ACCSL: variants seen among roughly 807,000 people sequenced by gnomAD.
ACCSL encodes the protein 1-aminocyclopropane-1-carboxylate synthase homolog (inactive) like, also known as probable inactive 1-aminocyclopropane-1-carboxylate synthase-like protein 2.
Under a neutral mutation model 61.7 loss-of-function variants are expected in ACCSL, and 55 were observed. That is an observed-to-expected ratio of 0.89 (90% CI 0.72 to 1.12). ACCSL has a LOEUF of 1.12. Among genes scored for constraint, ACCSL ranks in the 50% most tolerant of loss-of-function variants. The pLI, the probability that ACCSL is intolerant of heterozygous loss-of-function variation, is 0.00. For synonymous variants in ACCSL, 258 were observed against 264.3 expected, an observed-to-expected ratio of 0.98 and a Z score of 0.23; for missense variants, 632 against 698.0, an observed-to-expected ratio of 0.91 and a Z score of 1.07.
At chr11:44,009,492 G>T in the ACCSL span, among the ~76,000 whole-genome samples, 4 of 152,186 alleles carry the variant, frequency 2.6e-5, no homozygotes, top group East Asian at 1.9e-4. Flanking sequence ...AGGGCCGGGC[G>T]CAGTGGCTCA....
the ACCSL span, among the ~76,000 whole-genome samples, chr11:43,954,113 ACT>A: frequency 6.6e-6 from 1 of 151,702 alleles, no homozygotes; most frequent in South Asian, 2.1e-4. Context: ...GAGGACTTTC[ACT>A]CTCTGATATC....
chr11:44,056,492 C>A (rs1475657054), intron 11 of ACCSL, among the ~76,000 whole-genome samples, 166 bp downstream of exon 11: 1 of 152,192 alleles, frequency 6.6e-6, no homozygotes, highest in East Asian at 1.9e-4. Flanking sequence ...CAAGATAGGG[C>A]AGATAACACA....
the ACCSL span, chr11:43,942,329 A>G: frequency 1.0e-5 from 2 of 192,670 alleles, no homozygotes; most frequent in South Asian, 6.5e-5. Context: ...TGGGGATCCC[A>G]GAAGGGACAG....
At chr11:43,994,516 A>G in the ACCSL span, among the ~76,000 whole-genome samples, 2 of 151,366 alleles carry the variant, frequency 1.3e-5, no homozygotes, top group African/African-American at 2.4e-5. Flanking sequence ...TTGTGTGTAT[A>G]TGTGTGTGTG....
At chr11:44,049,419 CAAAAA>C (rs33944147) in intron 1 of ACCSL, among the ~76,000 whole-genome samples, 1 of 33,916 alleles carries the variant, frequency 2.9e-5, no homozygotes, top group South Asian at 1.9e-3. Context: ...GACCCTGTCT[CAAAAA>C]AAAAAAAAAA....
At chr11:43,993,870 G>A in the ACCSL span, among the ~76,000 whole-genome samples, 12 of 152,186 alleles carry the variant, frequency 7.9e-5, no homozygotes, top group Non-Finnish European at 1.5e-4. Context: ...GCATTTAGTG[G>A]GCAGAAGCCA....
chr11:43,938,416 T>C, the ACCSL span, among the ~76,000 whole-genome samples: 1 of 152,222 alleles, frequency 6.6e-6, no homozygotes, highest in Non-Finnish European at 1.5e-5. Context: ...GGCTTCATCT[T>C]TAGTCAGTTC....
intron 11 of ACCSL, 74 bp downstream of exon 11, chr11:44,056,400 C>A (rs1382248146): frequency 1.3e-6 from 2 of 1,526,086 alleles, no homozygotes; most frequent in East Asian, 2.4e-5. Flanking sequence ...TTTGCTTGGG[C>A]CTCTGATGTG....
chr11:43,947,499 T>C, the ACCSL span, among the ~76,000 whole-genome samples: 1,282 of 151,532 alleles, frequency 8.5e-3, 16 homozygotes, highest in African/African-American at 0.029. Flanking sequence ...GGGCCAGATA[T>C]TAGAAGAGGA....
At chr11:43,923,950 T>G in the ACCSL span, among the ~76,000 whole-genome samples, 1 of 152,202 alleles carries the variant, frequency 6.6e-6, no homozygotes, top group Non-Finnish European at 1.5e-5. Context: ...GGAGCAGTGA[T>G]GTCACGCTCT....
intron 6 of ACCSL, 76 bp from the exon 7 acceptor site, chr11:44,052,915 A>G (rs1283556004): frequency 1.3e-6 from 2 of 1,517,612 alleles, no homozygotes; most frequent in Non-Finnish European, 1.8e-6. Context: ...AAGGCAAAGG[A>G]TTGCGGGGCT....
At chr11:43,960,133 G>A in the ACCSL span, among the ~76,000 whole-genome samples, 1 of 152,118 alleles carries the variant, frequency 6.6e-6, no homozygotes, top group South Asian at 2.1e-4. Flanking sequence ...CATTCCAGGA[G>A]AGGCTGGCAC....
At chr11:43,942,948 AC>A in the ACCSL span, 1 of 1,471,046 alleles carries the variant, frequency 6.8e-7, no homozygotes, top group South Asian at 1.3e-5. Flanking sequence ...TGCTCCAGTT[AC>A]CAGGCGGTGA....
chr11:44,033,127 G>A, the ACCSL span, among the ~76,000 whole-genome samples: 1 of 152,184 alleles, frequency 6.6e-6, no homozygotes, highest in Non-Finnish European at 1.5e-5. Context: ...GTGGATGGCA[G>A]GATGGAACTT....
the ACCSL span, among the ~76,000 whole-genome samples, chr11:43,936,907 G>A: frequency 3.9e-5 from 6 of 152,192 alleles, no homozygotes; most frequent in East Asian, 1.2e-3. Context: ...TCTTCTAAGA[G>A]GCCCTCAGTG....
the ACCSL span, among the ~76,000 whole-genome samples, chr11:43,980,593 T>C: frequency 6.6e-6 from 1 of 152,256 alleles, no homozygotes; most frequent in Non-Finnish European, 1.5e-5. Context: ...TCTTTGCTGC[T>C]ATACTGCAAG....
the ACCSL span, among the ~76,000 whole-genome samples, chr11:44,007,266 G>T: frequency 6.6e-6 from 1 of 152,158 alleles, no homozygotes; most frequent in African/African-American, 2.4e-5. Flanking sequence ...TCTGGGGACT[G>T]AATTTTATTT....
chr11:43,967,167 CTTTT>C, the ACCSL span, among the ~76,000 whole-genome samples: 3 of 62,704 alleles, frequency 4.8e-5, no homozygotes, highest in Admixed American at 5.4e-4. Context: ...TCTTCTTCTT[CTTTT>C]TTTTTTTTTT....
chr11:44,030,488 G>A, the ACCSL span, among the ~76,000 whole-genome samples: 1 of 151,840 alleles, frequency 6.6e-6, no homozygotes. Context: ...GGAGAAAGCA[G>A]CATGAGTCTC....
Sources: gnomAD v4.1 joint callset for allele counts (sites outside exome capture counted in the v4.1 genomes callset) on GRCh38, gnomAD v4.1.1 for gene constraint, MANE v1.5 for transcripts, NCBI Gene and HGNC (gene_info 2026-07-23, HGNC 2026-07-21) for gene names.